SMARCAD1: variants seen among roughly 807,000 people sequenced by gnomAD.
SMARCAD1 encodes SWI/SNF-related matrix-associated actin-dependent regulator of chromatin subfamily A containing DEAD/H box 1.
SMARCAD1 carries 25 observed loss-of-function variants against 127.1 expected under a neutral mutation model. That is an observed-to-expected ratio of 0.20 (90% confidence interval 0.14 to 0.27). The LOEUF (loss-of-function observed/expected upper bound fraction) is 0.27. Ranked by LOEUF, SMARCAD1 falls within the 10% of genes least tolerant of loss-of-function variation. The pLI, the probability that SMARCAD1 is intolerant of heterozygous loss-of-function variation, is 1.00. For missense variants in SMARCAD1, 807 were observed against 1,206.0 expected (o/e 0.67, Z 4.90); for synonymous variants, 400 against 396.9 (o/e 1.01, Z -0.09).
At chr4:94,225,990 TG>T in intron 2 of SMARCAD1, 128 bp from the exon 3 acceptor site, 1 of 797,312 alleles carries the variant, frequency 1.3e-6, no homozygotes, top group Non-Finnish European at 2.0e-6. Flanking sequence ...CTTTAAAAAG[TG>T]GTGAGAATTT....
At chr4:94,256,582 G>A (rs1314596623) in intron 9 of SMARCAD1, among the ~76,000 whole-genome samples, 1 of 152,054 alleles carries the variant, frequency 6.6e-6, no homozygotes, top group African/African-American at 2.4e-5. Context: ...AGGCTGGGCT[G>A]GAACTGCTGA....
chr4:94,276,739 A>G (rs1034023736), intron 15 of SMARCAD1, among the ~76,000 whole-genome samples: 2 of 152,138 alleles, frequency 1.3e-5, no homozygotes, highest in African/African-American at 2.4e-5. Flanking sequence ...TACCTGTTCT[A>G]TATGTTAAAC....
chr4:94,235,229 C>CTTTTTT (rs35123705), intron 4 of SMARCAD1, among the ~76,000 whole-genome samples: 2 of 39,304 alleles, frequency 5.1e-5, no homozygotes, highest in Non-Finnish European at 8.8e-5. Flanking sequence ...ACCACCAATC[C>CTTTTTT]TTTTTTTTTT....
chr4:94,275,796 C>CTTTTTT (rs535710589), intron 14 of SMARCAD1, among the ~76,000 whole-genome samples: 13,110 of 83,932 alleles, frequency 0.16, 991 homozygotes, highest in Non-Finnish European at 0.25. Context: ...TTAACATTTT[C>CTTTTTT]TTTTTTTTTT....
chr4:94,284,049 C>T (rs1040245497), intron 22 of SMARCAD1, among the ~76,000 whole-genome samples: 4 of 151,570 alleles, frequency 2.6e-5, no homozygotes, highest in Non-Finnish European at 5.9e-5. Flanking sequence ...TAGCCGGGCA[C>T]GGTGGCTCAC....
chr4:94,265,707 A>G (rs1335705803), intron 10 of SMARCAD1, among the ~76,000 whole-genome samples: 1 of 151,882 alleles, frequency 6.6e-6, no homozygotes, highest in Non-Finnish European at 1.5e-5. Context: ...ATAATATAAA[A>G]CTGTTAATAG....
intron 6 of SMARCAD1, among the ~76,000 whole-genome samples, chr4:94,249,420 A>G (rs763248703): frequency 3.9e-5 from 6 of 152,032 alleles, no homozygotes; most frequent in Non-Finnish European, 8.8e-5. Context: ...CTGAGAATAA[A>G]GTTTGAGTTA....
chr4:94,276,266 A>G, intron 14 of SMARCAD1, 73 bp from the exon 15 acceptor site: 1 of 1,527,994 alleles, frequency 6.5e-7, no homozygotes, highest in South Asian at 1.1e-5. Flanking sequence ...ATGATTTTAT[A>G]AGACATTAAA....
chr4:94,288,577 G>GT lies in SMARCAD1; in HGVS notation c.3020-889dup, dbSNP rs137906886. ...ATATATGTGTTTTGTTTTGTTTTTT[G>GT]TTTTTTTAACAGAGAAAAGAAGAGT... is the stretch of plus-strand genomic sequence containing the variant. On this transcript the variant is annotated intron_variant, in intron 23 of 23. Coordinates refer to ENST00000354268, the MANE Select transcript of SMARCAD1 (RefSeq NM_020159.5). Among the ~76,000 whole-genome samples, 858 of 151,880 alleles carry GT rather than the reference G, an allele frequency of 5.6e-3. 7 individuals carry two copies. The highest frequency in any genetic ancestry group is 0.054 in the Middle Eastern group (16 of 294).
intron 10 of SMARCAD1, 87 bp from the exon 11 acceptor site, chr4:94,270,641 A>G: frequency 2.7e-6 from 3 of 1,108,198 alleles, no homozygotes; most frequent in Middle Eastern, 2.0e-4. Context: ...AGACCTAGGC[A>G]TTTTAGTTTT....
At chr4:94,218,305 A>G (rs1362751024) in intron 2 of SMARCAD1, among the ~76,000 whole-genome samples, 1 of 149,006 alleles carries the variant, frequency 6.7e-6, no homozygotes, top group African/African-American at 2.5e-5. Flanking sequence ...TTTTTTTGAG[A>G]TAGAGTGTCA....
At chr4:94,261,704 G>T (rs1751017318) in intron 9 of SMARCAD1, among the ~76,000 whole-genome samples, 1 of 152,124 alleles carries the variant, frequency 6.6e-6, no homozygotes, top group African/African-American at 2.4e-5. Flanking sequence ...CTGACTCCCG[G>T]GCTCAAGCCA....
chr4:94,279,027 G>A lies in SMARCAD1; in HGVS notation c.2395G>A (p.Glu799Lys). Reference protein sequence around the residue: ...RQYYTAEKLKEMSQLMLKEPT... With the variant: ...RQYYTAEKLKKMSQLMLKEPT... ...ATATTACACAGCTGAAAAACTCAAG[G>A]AAATGTCTCAGCTTATGCTAAAGGT... Residue 799 changes from glutamate to lysine, a missense_variant, in exon 19 of 24, where the codon GAA (glutamate) becomes AAA (lysine). Glu to Lys is a moderately conservative substitution (Grantham distance 56). This residue lies in a region of SMARCAD1 where 99 missense variants were observed against 126.0 expected (regional missense o/e 0.79). Coordinates refer to ENST00000354268, the MANE Select transcript of SMARCAD1 (RefSeq NM_020159.5). The A allele has an allele frequency of 6.2e-7, 1 of 1,614,082 alleles. No individual in the cohort carries two copies. The highest frequency in any genetic ancestry group is 2.2e-5 in the East Asian group (1 of 44,850).
intron 3 of SMARCAD1, among the ~76,000 whole-genome samples, chr4:94,226,885 C>T (rs369490471): frequency 2.6e-4 from 38 of 147,740 alleles, no homozygotes; most frequent in African/African-American, 8.2e-4. Flanking sequence ...CTTGTTTTTT[C>T]TAGAGGTGGG....
intron 2 of SMARCAD1, among the ~76,000 whole-genome samples, chr4:94,211,547 A>G (rs766770306): frequency 1.3e-5 from 2 of 152,222 alleles, no homozygotes; most frequent in Non-Finnish European, 2.9e-5. Context: ...TATTTACAGT[A>G]AAGTGTCAGG....
chr4:94,284,354 G>GA (rs34876183), intron 22 of SMARCAD1, among the ~76,000 whole-genome samples: 49,885 of 102,722 alleles, frequency 0.49, 13,780 homozygotes, highest in East Asian at 0.63. Flanking sequence ...AAAAAAAAAA[G>GA]AAAAAAGTAA....
intron 2 of SMARCAD1, among the ~76,000 whole-genome samples, chr4:94,216,022 C>T (rs1247949464): frequency 6.6e-6 from 1 of 152,144 alleles, no homozygotes. Flanking sequence ...GAAATCTACT[C>T]TTGGCAATTC....
intron 7 of SMARCAD1, among the ~76,000 whole-genome samples, chr4:94,250,502 A>G (rs1359591163): frequency 2.0e-5 from 3 of 152,096 alleles, no homozygotes; most frequent in African/African-American, 7.2e-5. Context: ...TCTAGTGTTC[A>G]CAGTACTTCA....
At chr4:94,221,767 A>G in intron 2 of SMARCAD1, among the ~76,000 whole-genome samples, 1 of 152,308 alleles carries the variant, frequency 6.6e-6, no homozygotes, top group African/African-American at 2.4e-5. Flanking sequence ...TCTAGAAACC[A>G]GATCAACACC....
Sources: gnomAD v4.1 joint callset for allele counts (sites outside exome capture counted in the v4.1 genomes callset) on GRCh38, gnomAD v4.1.1 for gene constraint, gnomAD v4.1.1 regional missense constraint, MANE v1.5 for transcripts, NCBI Gene and HGNC (gene_info 2026-07-23, HGNC 2026-07-21) for gene names.